The following CDH18 variants were observed in gnomAD, a reference collection of about 807,000 sequenced individuals.
CDH18 encodes cadherin-18.
A neutral mutation model predicts 67.9 loss-of-function variants in CDH18; 31 were observed. That is an observed-to-expected ratio of 0.46 (90% confidence interval 0.34 to 0.62). CDH18 has a LOEUF of 0.62. CDH18 is among the 20% of genes least tolerant of loss of function. CDH18 has a pLI of 0.01. For missense variants in CDH18, 890 were observed against 975.5 expected, an observed-to-expected ratio of 0.91 and a Z score of 1.17; for synonymous variants, 362 against 347.2, an observed-to-expected ratio of 1.04 and a Z score of -0.48.
chr5:20,135,846 T>C (rs888294109), intron 2 of CDH18, among the ~76,000 whole-genome samples: 7 of 152,242 alleles, frequency 4.6e-5, no homozygotes, highest in Non-Finnish European at 7.3e-5. Flanking sequence ...CATTTCATTA[T>C]GTACGTAGTA....
At chr5:20,486,339 A>G (rs1484849332) in intron 1 of CDH18, among the ~76,000 whole-genome samples, 2 of 152,194 alleles carry the variant, frequency 1.3e-5, no homozygotes, top group Non-Finnish European at 2.9e-5. Context: ...AACAAAGCCT[A>G]TAGAGATTGC....
intron 5 of CDH18, among the ~76,000 whole-genome samples, chr5:19,635,215 G>C (rs767611803): frequency 5.3e-5 from 8 of 152,100 alleles, no homozygotes; most frequent in Non-Finnish European, 1.0e-4. Context: ...GAAAGAATAT[G>C]TATACCATGT....
chr5:19,639,701 G>A (rs1388019782), intron 5 of CDH18, among the ~76,000 whole-genome samples: 1 of 152,202 alleles, frequency 6.6e-6, no homozygotes, highest in Non-Finnish European at 1.5e-5. Flanking sequence ...ATAGCCCTGT[G>A]CTCCAGCCAT....
At chr5:20,203,726 G>C (rs1317884083) in intron 2 of CDH18, among the ~76,000 whole-genome samples, 1 of 150,248 alleles carries the variant, frequency 6.7e-6, no homozygotes, top group Non-Finnish European at 1.5e-5. Flanking sequence ...ACTTCCACAA[G>C]AAACAACAAC....
chr5:20,304,936 A>T, intron 1 of CDH18: 1 of 1,613,762 alleles, frequency 6.2e-7, no homozygotes, highest in Non-Finnish European at 8.5e-7. Context: ...CACGTGCTTC[A>T]CTATCCAATC....
intron 3 of CDH18, among the ~76,000 whole-genome samples, chr5:19,787,405 C>T (rs773380540): frequency 6.6e-6 from 1 of 151,722 alleles, no homozygotes; most frequent in Non-Finnish European, 1.5e-5. Context: ...TGAACCTAGA[C>T]CACACCATTG....
chr5:20,141,961 C>A (rs1373466333), intron 2 of CDH18, among the ~76,000 whole-genome samples: 4 of 151,244 alleles, frequency 2.6e-5, no homozygotes, highest in African/African-American at 9.7e-5. Flanking sequence ...TTTGAAAATG[C>A]TATTATATAG....
At chr5:19,713,588 A>G (rs1404536044) in intron 5 of CDH18, among the ~76,000 whole-genome samples, 1 of 152,138 alleles carries the variant, frequency 6.6e-6, no homozygotes, top group East Asian at 1.9e-4. Context: ...GTTGATGTCA[A>G]AAGGACACTA....
intron 2 of CDH18, among the ~76,000 whole-genome samples, chr5:20,017,389 T>G (rs1447615979): frequency 6.6e-6 from 1 of 152,146 alleles, no homozygotes; most frequent in East Asian, 1.9e-4. Context: ...TTATTTCCTT[T>G]TCCCATTGAG....
At chr5:20,142,068 A>G (rs1044432485) in intron 2 of CDH18, among the ~76,000 whole-genome samples, 2 of 152,174 alleles carry the variant, frequency 1.3e-5, no homozygotes, top group Middle Eastern at 3.4e-3. Context: ...AAGGACAGAA[A>G]AATTAACTTT....
At chr5:19,881,385 T>C (rs1441369238) in intron 2 of CDH18, among the ~76,000 whole-genome samples, 12 of 152,124 alleles carry the variant, frequency 7.9e-5, no homozygotes, top group Non-Finnish European at 1.6e-4. Context: ...GTAGAAACTA[T>C]AACATCAAAG....
chr5:20,509,063 C>T (rs2457023), intron 1 of CDH18, among the ~76,000 whole-genome samples: 71,550 of 151,838 alleles, frequency 0.47, 17,100 homozygotes, highest in East Asian at 0.56. Context: ...TTAATGTGCT[C>T]TAATTCACAT....
intron 3 of CDH18, among the ~76,000 whole-genome samples, chr5:19,826,188 T>C (rs1300059983): frequency 6.6e-6 from 1 of 151,628 alleles, no homozygotes; most frequent in African/African-American, 2.4e-5. Flanking sequence ...GAAAAAGCAA[T>C]ATAAGAAAAA....
At chr5:20,380,290 G>A (rs774057587) in intron 1 of CDH18, among the ~76,000 whole-genome samples, 7 of 151,970 alleles carry the variant, frequency 4.6e-5, no homozygotes, top group Non-Finnish European at 1.0e-4. Context: ...GACTTAGGGA[G>A]GTATTTAAAG....
chr5:20,564,926 T>C (rs2126656083), intron 1 of CDH18, among the ~76,000 whole-genome samples: 1 of 152,348 alleles, frequency 6.6e-6, no homozygotes, highest in African/African-American at 2.4e-5. Flanking sequence ...GGCAAAACTT[T>C]ATATATCACA....
At chr5:20,215,433 A>T (rs549251036) in intron 2 of CDH18, among the ~76,000 whole-genome samples, 4 of 125,894 alleles carry the variant, frequency 3.2e-5, no homozygotes, top group African/African-American at 6.8e-5. Context: ...TTCCATCCAA[A>T]AAATAAATAA....
At chr5:20,046,413 C>T (rs1448899359) in intron 2 of CDH18, among the ~76,000 whole-genome samples, 1 of 151,594 alleles carries the variant, frequency 6.6e-6, no homozygotes, top group Admixed American at 6.6e-5. Context: ...GTGGAGACAT[C>T]TAAGATGTTT....
At chr5:19,476,094 C>T (rs1738417045) in intron 12 of CDH18, among the ~76,000 whole-genome samples, 1 of 151,922 alleles carries the variant, frequency 6.6e-6, no homozygotes, top group Non-Finnish European at 1.5e-5. Context: ...TCACTGTGCA[C>T]TGGGAGGTAC....
At chr5:20,221,951 T>C (rs970269245) in intron 2 of CDH18, among the ~76,000 whole-genome samples, 3 of 152,172 alleles carry the variant, frequency 2.0e-5, no homozygotes, top group Non-Finnish European at 2.9e-5. Context: ...TGTACTTATA[T>C]GCTCACTAAT....
Sources: gnomAD v4.1 joint callset for allele counts (sites outside exome capture counted in the v4.1 genomes callset) on GRCh38, gnomAD v4.1.1 for gene constraint, MANE v1.5 for transcripts, NCBI Gene and HGNC (gene_info 2026-07-23, HGNC 2026-07-21) for gene names.